ZNF148: variants seen among roughly 807,000 people sequenced by gnomAD.
The protein encoded by ZNF148 is zinc finger protein 148.
A neutral mutation model predicts 67.7 loss-of-function variants in ZNF148; 7 were observed. The observed-to-expected ratio is 0.10, with a 90% CI of 0.06 to 0.19. The LOEUF (loss-of-function observed/expected upper bound fraction) is 0.19. ZNF148 is among the 10% of genes least tolerant of loss of function. ZNF148 has a pLI of 1.00. For missense variants in ZNF148, 583 were observed against 947.1 expected (o/e 0.62, Z 5.05); for synonymous variants, 333 against 330.7 (o/e 1.01, Z -0.08).
chr3:125,232,790 T>A lies in ZNF148; in HGVS notation c.1936A>T (p.Ile646Leu). 6.2e-7 allele frequency: 1 copy of A among 1,613,862 alleles called. No homozygotes were observed. The highest frequency in any genetic ancestry group is 8.5e-7 in the Non-Finnish European group (1 of 1,179,798). The change falls in exon 9 of 9, where the codon ATA becomes TTA. Residue 646 changes from isoleucine (I) to leucine (L), a missense_variant. Ile to Leu is a conservative substitution (Grantham distance 5). Coordinates refer to ENST00000360647, the MANE Select transcript of ZNF148 (RefSeq NM_021964.3). This position sits in a 1 kb window ranked among gnomAD's most constrained non-coding sequence, Gnocchi z 4.2. ...TLPNQPAFSS[I>L]DKQVYATMPI... ...ATGGTGGCATAGACCTGCTTGTCTA[T>A]GGAAGAGAATGCTGGCTGATTTGGG... is the stretch of plus-strand genomic sequence containing the variant.
At chr3:125,299,806 A>G (rs924514489) in intron 4 of ZNF148, among the ~76,000 whole-genome samples, 1 of 152,230 alleles carries the variant, frequency 6.6e-6, no homozygotes, top group African/African-American at 2.4e-5. Context: ...TTGCTGTTAG[A>G]TAATACACTT....
In ZNF148 at chr3:125,229,328, C is replaced by G. The variant is rs910138114; in HGVS notation, c.*3013G>C. 2.6e-5 allele frequency: 4 copies of G among 151,840 alleles called. No individual in the cohort carries two copies. Among genetic ancestry groups the G allele is most frequent in the Admixed American group, 1.3e-4 (2 of 15,214 alleles). 9.4% of individuals were successfully genotyped at this position (151,840 alleles called of 1,614,324 possible). ...TCCTCTGTGGAAACGAAATCCTGCC[C>G]TGAGCACAATTCTTGACATAACTGC... On this transcript the variant is annotated 3_prime_UTR_variant, in exon 9 of 9. Transcript: ENST00000360647.
intron 7 of ZNF148, among the ~76,000 whole-genome samples, chr3:125,245,407 C>T (rs1936552049): frequency 6.6e-6 from 1 of 152,198 alleles, no homozygotes; most frequent in East Asian, 1.9e-4. Flanking sequence ...TCCCCTTCCA[C>T]CATGATTGCA....
At chr3:125,305,787 C>T (rs1400447274) in intron 4 of ZNF148, among the ~76,000 whole-genome samples, 3 of 142,278 alleles carry the variant, frequency 2.1e-5, no homozygotes, top group African/African-American at 7.9e-5. Context: ...CACACCAGCA[C>T]GGGCAAAAAA....
At chr3:125,352,662 T>TAAAAAA (rs34630272) in intron 1 of ZNF148, among the ~76,000 whole-genome samples, 1 of 138,036 alleles carries the variant, frequency 7.2e-6, no homozygotes. Context: ...ACCTCTATCT[T>TAAAAAA]AAAAAAAAAA....
At chr3:125,288,033 T>C in intron 5 of ZNF148, 70 bp downstream of exon 5, 1 of 1,604,924 alleles carries the variant, frequency 6.2e-7, no homozygotes, top group East Asian at 2.2e-5. Flanking sequence ...CCAGCCAGGT[T>C]CTTGCCTATA....
intron 1 of ZNF148, among the ~76,000 whole-genome samples, chr3:125,368,662 T>C (rs1440680968): frequency 6.6e-6 from 1 of 152,190 alleles, no homozygotes; most frequent in East Asian, 1.9e-4. Context: ...GTGTGCCTCT[T>C]GGCCGGGTGT....
chr3:125,368,656 G>A (rs902413522), intron 1 of ZNF148, among the ~76,000 whole-genome samples: 9 of 152,328 alleles, frequency 5.9e-5, no homozygotes, highest in Middle Eastern at 3.4e-3. Context: ...TTAAAAGTGT[G>A]CCTCTTGGCC....
chr3:125,277,641 G>T, intron 7 of ZNF148, 85 bp downstream of exon 7: 3 of 1,125,304 alleles, frequency 2.7e-6, no homozygotes, highest in Non-Finnish European at 2.6e-6. Context: ...GGAAATGGCA[G>T]CAAGTCACTG....
intron 2 of ZNF148, among the ~76,000 whole-genome samples, chr3:125,325,093 G>A (rs1431664712): frequency 1.3e-5 from 2 of 151,954 alleles, no homozygotes; most frequent in Non-Finnish European, 2.9e-5. Flanking sequence ...TATGTTAAAA[G>A]GAACTCATGT....
chr3:125,292,653 T>G (rs1181281063), intron 4 of ZNF148: 1 of 152,210 alleles, frequency 6.6e-6, no homozygotes, highest in Non-Finnish European at 1.5e-5. Flanking sequence ...CTCTTTATGT[T>G]TAAAGTCGGG....
At chr3:125,267,910 T>C (rs1267205462) in intron 7 of ZNF148, among the ~76,000 whole-genome samples, 3 of 151,908 alleles carry the variant, frequency 2.0e-5, no homozygotes, top group Non-Finnish European at 2.9e-5. Flanking sequence ...AGCATTTCTA[T>C]ACACCAATAA....
In ZNF148 at chr3:125,233,823, A is replaced by G. The variant is rs1464046872; in HGVS notation, c.903T>C (p.Ser301=). Residue 301 remains serine (S), a synonymous_variant, in exon 9 of 9, where the codon TCT becomes TCC. Coordinates refer to ENST00000360647, the MANE Select transcript of ZNF148 (RefSeq NM_021964.3). This position sits in a 1 kb window ranked among gnomAD's most constrained non-coding sequence, Gnocchi z 5.1. ...KGGLLTSEED[S]GFSTSPKDNS... The stretch of plus-strand genomic sequence containing the variant: ...TGTCTTTTGGTGATGTAGAAAAGCC[A>G]GAATCTTCCTCAGATGTCAGAAGGC... 1 of 1,613,816 alleles carries G rather than the reference A, an allele frequency of 6.2e-7. No homozygotes were observed.
chr3:125,227,324 C>T lies in ZNF148; in HGVS notation c.*5017G>A, dbSNP rs1358588129. The T allele has an allele frequency of 6.6e-6, 1 of 152,380 alleles. No homozygotes were observed. Among genetic ancestry groups the T allele is most frequent in the Non-Finnish European group, 1.5e-5 (1 of 67,976 alleles). 9.4% of individuals were successfully genotyped at this position (152,380 alleles called of 1,614,324 possible). ...TAGTAATACTGTATAATCAGAATAT[C>T]CTATTATCTTACCAGTTTTAATGAC... On this transcript the variant is annotated 3_prime_UTR_variant, in exon 9 of 9. Coordinates refer to ENST00000360647, the MANE Select transcript of ZNF148 (RefSeq NM_021964.3).
intron 7 of ZNF148, 82 bp from the exon 8 acceptor site, chr3:125,234,411 A>C: frequency 9.9e-7 from 1 of 1,014,090 alleles, no homozygotes. Context: ...CTCTAAAATA[A>C]ATGGCTTTTG....
Position 125,233,990 on chromosome 3 carries a change from A to G in ZNF148, c.787-51T>C. 1 of 1,526,272 alleles carries G rather than the reference A, an allele frequency of 6.6e-7. No individual in the cohort carries two copies. The highest frequency in any genetic ancestry group is 8.7e-7 in the Non-Finnish European group (1 of 1,146,908). The allele number at this position is 1,526,272 out of a possible 1,614,324, so 94.5% of individuals were successfully genotyped here. ...GGTTGTTTGTGGTTTTGGTCAACCA[A>G]GAAAAGAAAAAGTGAAACAAAACAA... On this transcript the variant is annotated intron_variant, in intron 8 of 8. Coordinates refer to ENST00000360647, the MANE Select transcript of ZNF148 (RefSeq NM_021964.3). The surrounding 1 kb of genome is among the most constrained non-coding windows in gnomAD (Gnocchi z 5.1).
intron 4 of ZNF148, among the ~76,000 whole-genome samples, chr3:125,304,851 T>G (rs980650270): frequency 6.6e-6 from 1 of 152,058 alleles, no homozygotes; most frequent in African/African-American, 2.4e-5. Context: ...TAAAATGAAC[T>G]AGGGGGTCCT....
intron 7 of ZNF148, among the ~76,000 whole-genome samples, chr3:125,244,935 T>C (rs1936530419): frequency 6.6e-6 from 1 of 152,178 alleles, no homozygotes; most frequent in African/African-American, 2.4e-5. Context: ...CAGTGGTCTT[T>C]CCAGCTCACC....
intron 8 of ZNF148, 112 bp downstream of exon 8, chr3:125,234,099 G>C (rs1240523350): frequency 4.9e-6 from 6 of 1,233,098 alleles, no homozygotes; most frequent in Non-Finnish European, 6.7e-6. Flanking sequence ...AATCTAATCT[G>C]TAAGAGTTAG....
Sources: gnomAD v4.1 joint callset for allele counts (sites outside exome capture counted in the v4.1 genomes callset) on GRCh38, gnomAD v4.1.1 for gene constraint, Gnocchi (gnomAD v3.1) non-coding constraint, MANE v1.5 for transcripts, NCBI Gene and HGNC (gene_info 2026-07-23, HGNC 2026-07-21) for gene names.